Variants in CNOT1 observed in about 807,000 individuals in gnomAD.
CNOT1 encodes CCR4-NOT transcription complex subunit 1.
In CNOT1, 15 loss-of-function variants were observed where a neutral mutation model predicts 273.8. The observed-to-expected ratio is 0.05, with a 90% CI of 0.04 to 0.08. The LOEUF is 0.08. CNOT1 is among the 10% of genes least tolerant of loss of function. The pLI, the probability that CNOT1 is intolerant of heterozygous loss-of-function variation, is 1.00. For synonymous variants in CNOT1, 1,022 were observed against 1,005.5 expected, an observed-to-expected ratio of 1.02 and a Z score of -0.31; for missense variants, 1,644 against 2,912.2, an observed-to-expected ratio of 0.56 and a Z score of 10.02.
chr16:58,559,927 T>C (rs771501467), intron 17 of CNOT1: 2 of 790,214 alleles, frequency 2.5e-6, no homozygotes, highest in Non-Finnish European at 4.1e-6. Context: ...TCAAAGGCAG[T>C]GCTTATGTCT....
At position 58,528,385 on chromosome 16, in the gene CNOT1, T is replaced by C. The variant is rs74325935; in HGVS notation, c.6453+90A>G. On this transcript the variant is annotated intron_variant, in intron 44 of 48. Coordinates refer to ENST00000317147, the MANE Select transcript of CNOT1 (RefSeq NM_016284.5). ...CTTAACTAATAGTGTGCGTGTTATG[T>C]TGGGTAGGAAAGTGCTGAACAGTCT... The C allele has an allele frequency of 3.8e-3, 3,364 of 875,696 alleles. 36 individuals are homozygous for C. The highest frequency in any genetic ancestry group is 9.0e-3 in the Admixed American group (475 of 52,876). 54.2% of individuals were successfully genotyped at this position (875,696 alleles called of 1,614,324 possible). A position where few individuals can be genotyped will look rare whatever the true frequency, so the allele number is the denominator to read the frequency against.
Position 58,581,446 on chromosome 16 carries a change from T to C in CNOT1, c.1114A>G (p.Lys372Glu). ...CCATAAACCACATTATGAAGTCCTT[T>C]ACTGTCACGAATTTGAAATCCAGGA... Reference protein sequence around the residue: ...DHPGFQIRDSKGLHNVVYGIQ... With the variant: ...DHPGFQIRDSEGLHNVVYGIQ... Residue 372 changes from lysine to glutamate, a missense_variant, in exon 11 of 49, where the codon AAA becomes GAA. Physicochemically the swap from Lys to Glu is moderately conservative, Grantham distance 56 (BLOSUM62 1). Transcript: ENST00000317147. The C allele has an allele frequency of 1.9e-6, 3 of 1,614,100 alleles. No individual in the cohort carries two copies. The highest frequency in any genetic ancestry group is 2.5e-6 in the Non-Finnish European group (3 of 1,180,000).
Position 58,599,440 on chromosome 16 carries a change from T to A in CNOT1, c.-103A>T. ...GTTAATGCTTTCTTTGTAATTAGGC[T>A]ATATCTGGTATCTGTATAATATCTT... On this transcript the variant is annotated 5_prime_UTR_variant, in exon 2 of 49. Coordinates refer to ENST00000317147, the MANE Select transcript of CNOT1 (RefSeq NM_016284.5). The A allele has an allele frequency of 7.3e-7, 1 of 1,379,286 alleles. No homozygotes were observed. Among genetic ancestry groups the A allele is most frequent in the Admixed American group, 2.0e-5 (1 of 50,718 alleles). 85.4% of individuals were successfully genotyped at this position (1,379,286 alleles called of 1,614,324 possible). A position where few individuals can be genotyped will look rare whatever the true frequency, so the allele number is the denominator to read the frequency against.
At chr16:58,566,258 A>G (rs1446258699) in intron 16 of CNOT1, among the ~76,000 whole-genome samples, 1 of 152,250 alleles carries the variant, frequency 6.6e-6, no homozygotes, top group African/African-American at 2.4e-5. Flanking sequence ...AACACACATT[A>G]AAGATTACAA....
At position 58,525,264 on chromosome 16, in the gene CNOT1, CTTG is replaced by C. The variant is rs1208424477; in HGVS notation, c.6696_6698del (p.Asn2232del). ...TGGTGCTCATTGAAGGTGTGCTGCCCTTGTTGTGGATGTGCGCAATGGCCTGAG... is the reference window on the plus strand; with the variant it reads ...TGGTGCTCATTGAAGGTGTGCTGCCCTTGTGGATGTGCGCAATGGCCTGAG... On this transcript the variant is annotated inframe_deletion, in exon 46 of 49. Transcript: ENST00000317147. 1.9e-6 allele frequency: 3 copies of C among 1,613,980 alleles called. No homozygotes were observed. Among genetic ancestry groups the C allele is most frequent in the East Asian group, 2.2e-5 (1 of 44,878 alleles).
At chr16:58,613,370 A>G (rs2042965621) in intron 1 of CNOT1, among the ~76,000 whole-genome samples, 1 of 124,024 alleles carries the variant, frequency 8.1e-6, no homozygotes, top group South Asian at 2.4e-4. Context: ...TCCTTTCAAA[A>G]TCGATTTGTA....
At chr16:58,601,225 G>C (rs2042449808) in intron 1 of CNOT1, among the ~76,000 whole-genome samples, 1 of 152,146 alleles carries the variant, frequency 6.6e-6, no homozygotes, top group African/African-American at 2.4e-5. Flanking sequence ...CAAAATGCTG[G>C]GATTACAAGC....
chr16:58,575,900 A>T (rs2041443983), intron 14 of CNOT1, among the ~76,000 whole-genome samples: 1 of 152,220 alleles, frequency 6.6e-6, no homozygotes, highest in Non-Finnish European at 1.5e-5. Context: ...ACTGTATCTA[A>T]CATAACTTAT....
intron 1 of CNOT1, among the ~76,000 whole-genome samples, chr16:58,604,845 A>C (rs1171239903): frequency 2.1e-5 from 2 of 96,224 alleles, no homozygotes; most frequent in African/African-American, 4.2e-5. Context: ...AAAAAAAAAA[A>C]CCACACCAAA....
chr16:58,570,582 G>T (rs1017955723), intron 16 of CNOT1, among the ~76,000 whole-genome samples: 1 of 152,198 alleles, frequency 6.6e-6, no homozygotes, highest in African/African-American at 2.4e-5. Context: ...AGCTGTGATC[G>T]TGTCCTGCGT....
intron 2 of CNOT1, among the ~76,000 whole-genome samples, chr16:58,598,837 C>T (rs568972004): frequency 3.9e-5 from 6 of 152,052 alleles, no homozygotes; most frequent in African/African-American, 1.4e-4. Flanking sequence ...CAAGGCGGAT[C>T]ACTTGAGGTT....
At chr16:58,575,573 T>C (rs1056036720) in intron 14 of CNOT1, among the ~76,000 whole-genome samples, 16 of 152,040 alleles carry the variant, frequency 1.1e-4, no homozygotes, top group Admixed American at 8.5e-4. Context: ...CCAAGGTGGG[T>C]GGATCACCTA....
chr16:58,551,861 T>C, intron 22 of CNOT1, 42 bp from the exon 23 acceptor site: 2 of 1,607,818 alleles, frequency 1.2e-6, no homozygotes, highest in Middle Eastern at 1.7e-4. Flanking sequence ...CCTTAATTGC[T>C]AAGTCTGGAT....
intron 2 of CNOT1, among the ~76,000 whole-genome samples, chr16:58,595,009 G>A (rs988254525): frequency 6.6e-6 from 1 of 151,620 alleles, no homozygotes; most frequent in African/African-American, 2.4e-5. Flanking sequence ...CAGCTACTTG[G>A]GAGGCTGAGG....
At position 58,547,326 on chromosome 16, in the gene CNOT1, G is replaced by C; in HGVS notation, c.3640-30C>G. ...AATAAGAAAAATACTTTCAAAAGCG[G>C]GGAATATACCCCCCAAAATGGTATA... On this transcript the variant is annotated intron_variant, in intron 26 of 48. Coordinates refer to ENST00000317147, the MANE Select transcript of CNOT1 (RefSeq NM_016284.5). The surrounding 1 kb of genome is among the most constrained non-coding windows in gnomAD (Gnocchi z 4.0). The C allele has an allele frequency of 1.2e-6, 2 of 1,610,478 alleles. No homozygotes were observed. The highest frequency in any genetic ancestry group is 2.2e-5 in the South Asian group (2 of 89,984).
intron 2 of CNOT1, among the ~76,000 whole-genome samples, chr16:58,591,469 A>G (rs1300704216): frequency 6.6e-6 from 1 of 152,188 alleles, no homozygotes; most frequent in Non-Finnish European, 1.5e-5. Flanking sequence ...AAATTTAACT[A>G]TGCGCCGGAC....
chr16:58,589,881 TG>T (rs1013341364), intron 2 of CNOT1, among the ~76,000 whole-genome samples: 53 of 152,338 alleles, frequency 3.5e-4, no homozygotes, highest in African/African-American at 1.2e-3. Context: ...ATACATGGTT[TG>T]TTCTTTCACT....
At chr16:58,544,525 G>C (rs1214828848) in intron 30 of CNOT1, among the ~76,000 whole-genome samples, 1 of 151,978 alleles carries the variant, frequency 6.6e-6, no homozygotes, top group African/African-American at 2.4e-5. Context: ...CACAATTTCT[G>C]GATCTAGGTG....
Position 58,546,308 on chromosome 16 carries a change from T to TCA in CNOT1, c.4006+12_4006+13insTG. The TCA allele has an allele frequency of 6.2e-7, 1 of 1,609,260 alleles. No homozygotes were observed. On this transcript the variant is annotated intron_variant, in intron 29 of 48. Transcript: ENST00000317147. ...GCTAACAGAAGCCTTCCTTGACTAA[T>TCA]TAGCACACTTACTTGTGGTTGTGAT...
Sources: gnomAD v4.1 joint callset for allele counts (sites outside exome capture counted in the v4.1 genomes callset) on GRCh38, gnomAD v4.1.1 for gene constraint, Gnocchi (gnomAD v3.1) non-coding constraint, MANE v1.5 for transcripts, NCBI Gene and HGNC (gene_info 2026-07-23, HGNC 2026-07-21) for gene names.